ST7: variants seen among roughly 807,000 people sequenced by gnomAD.
ST7 encodes suppression of tumorigenicity 7.
In ST7, 28 loss-of-function variants were observed where a neutral mutation model predicts 78.7. The observed-to-expected ratio is 0.36, with a 90% CI of 0.26 to 0.49. The LOEUF (loss-of-function observed/expected upper bound fraction) is 0.49. Among genes scored for constraint, ST7 ranks in the 20% least tolerant of loss-of-function variants. The probability of loss-of-function intolerance (pLI) is 0.99; values close to 1 mark genes in which losing one functional copy is unlikely to be tolerated. For synonymous variants in ST7, 247 were observed against 249.6 expected, an observed-to-expected ratio of 0.99 and a Z score of 0.10; for missense variants, 418 against 696.0, an observed-to-expected ratio of 0.60 and a Z score of 4.49.
At chr7:116,956,401 G>A (rs898805052) in intron 1 of ST7, 1 of 459,014 alleles carries the variant, frequency 2.2e-6, no homozygotes, top group South Asian at 1.6e-5. Context: ...GTTCTAACGG[G>A]ACTAACTTTG....
chr7:117,166,205 T>G (rs1041385164), intron 9 of ST7, among the ~76,000 whole-genome samples: 4 of 152,172 alleles, frequency 2.6e-5, no homozygotes, highest in Non-Finnish European at 5.9e-5. Flanking sequence ...TGGTATAATT[T>G]TAGTGTATTT....
At chr7:116,974,674 AAC>A (rs1266394707) in intron 1 of ST7, among the ~76,000 whole-genome samples, 1 of 152,248 alleles carries the variant, frequency 6.6e-6, no homozygotes, top group Non-Finnish European at 1.5e-5. Context: ...CGAACAAAGT[AAC>A]ACACTTGTAT....
chr7:117,209,780 A>G lies in ST7; in HGVS notation c.1255-7A>G. The G allele has an allele frequency of 6.2e-7, 1 of 1,611,156 alleles. No individual in the cohort carries two copies. Among genetic ancestry groups the G allele is most frequent in the Non-Finnish European group, 8.5e-7 (1 of 1,179,164 alleles). On this transcript the variant is annotated splice_polypyrimidine_tract_variant and splice_region_variant and intron_variant, in intron 12 of 15. Coordinates refer to ENST00000323984, the MANE Select transcript of ST7 (RefSeq NM_001369598.1). ...TAACACAAGTGTGTCCTGCTTTTTT[A>G]TTTCAGTACCTACTAGAAATGAAAA... is the stretch of plus-strand genomic sequence containing the variant.
chr7:117,049,151 G>A (rs966496985), intron 1 of ST7, among the ~76,000 whole-genome samples: 6 of 152,120 alleles, frequency 3.9e-5, no homozygotes, highest in African/African-American at 1.4e-4. Flanking sequence ...ATAGGTAAGG[G>A]CAGTCTAGGT....
chr7:117,045,472 A>G (rs922599895), intron 1 of ST7, among the ~76,000 whole-genome samples: 6 of 152,102 alleles, frequency 3.9e-5, no homozygotes, highest in African/African-American at 1.4e-4. Context: ...CCATATCTGC[A>G]TGGCTCACTC....
At chr7:117,205,217 C>A (rs1177224388) in intron 12 of ST7, among the ~76,000 whole-genome samples, 1 of 151,748 alleles carries the variant, frequency 6.6e-6, no homozygotes, top group Non-Finnish European at 1.5e-5. Flanking sequence ...CTTTTTTTGT[C>A]AAAATAATTA....
rs1239351300 is a variant in ST7 at position 117,152,187 on chromosome 7, A to T, written c.963+13655A>T. 7.3e-3 allele frequency among the ~76,000 whole-genome samples: 336 copies of T among 46,146 alleles called. 4 individuals carry two copies. Among genetic ancestry groups the T allele is most frequent in the African/African-American group, 0.055 (315 of 5,770 alleles). The allele number at this position is 46,146 out of a possible 152,430, so 30.3% of individuals were successfully genotyped here. A position where few individuals can be genotyped will look rare whatever the true frequency, so the allele number is the denominator to read the frequency against. On this transcript the variant is annotated intron_variant, in intron 9 of 15. Coordinates refer to ENST00000323984, the MANE Select transcript of ST7 (RefSeq NM_001369598.1). ...TTATATATATAAAAACTATATATAT[A>T]TATATATATATATATATATATATAT...
At chr7:117,155,840 T>C (rs1806648153) in intron 9 of ST7, among the ~76,000 whole-genome samples, 1 of 152,222 alleles carries the variant, frequency 6.6e-6, no homozygotes, top group Non-Finnish European at 1.5e-5. Flanking sequence ...GCCCAGCTGC[T>C]GTGTTCACTA....
chr7:117,188,002 G>C (rs909777229), intron 10 of ST7, among the ~76,000 whole-genome samples: 3 of 152,130 alleles, frequency 2.0e-5, no homozygotes, highest in Non-Finnish European at 2.9e-5. Flanking sequence ...TATGTATGTG[G>C]TGGTGACATT....
chr7:117,070,822 C>T (rs976226523), intron 1 of ST7, among the ~76,000 whole-genome samples: 1 of 151,988 alleles, frequency 6.6e-6, no homozygotes, highest in African/African-American at 2.4e-5. Context: ...GGATTATAGG[C>T]GTGAGCCACC....
At chr7:117,100,854 C>CT (rs992485196) in intron 2 of ST7, among the ~76,000 whole-genome samples, 11 of 152,006 alleles carry the variant, frequency 7.2e-5, no homozygotes, top group Admixed American at 2.6e-4. Flanking sequence ...TTTAGAAAAG[C>CT]TTTTTTTCTC....
chr7:117,031,894 T>TGGCAATGGAG (rs1411429328), intron 1 of ST7, among the ~76,000 whole-genome samples: 5 of 148,090 alleles, frequency 3.4e-5, no homozygotes, highest in African/African-American at 4.9e-5. Flanking sequence ...TTTTTTTTTT[T>TGGCAATGGAG]TTTTGGCAAT....
At chr7:117,163,925 T>A (rs1416175986) in intron 9 of ST7, among the ~76,000 whole-genome samples, 1 of 152,168 alleles carries the variant, frequency 6.6e-6, no homozygotes, top group African/African-American at 2.4e-5. Flanking sequence ...GTCTTGGACC[T>A]TACATTGAGG....
chr7:117,156,070 C>T lies in ST7; in HGVS notation c.964-14792C>T, dbSNP rs553053939. Among the ~76,000 whole-genome samples, 145 of 152,316 alleles carry T rather than the reference C, an allele frequency of 9.5e-4. 1 individual carries two copies. Among genetic ancestry groups the T allele is most frequent in the South Asian group, 2.1e-3 (10 of 4,828 alleles). On this transcript the variant is annotated intron_variant, in intron 9 of 15. Transcript: ENST00000323984. ...TCTGCCTGTGCTGTACCAACATTCA[C>T]GAACCCATTTCCCTGCTTTACTTAT...
At chr7:117,102,172 A>G (rs1343557372) in intron 2 of ST7, among the ~76,000 whole-genome samples, 1 of 152,182 alleles carries the variant, frequency 6.6e-6, no homozygotes, top group Non-Finnish European at 1.5e-5. Flanking sequence ...TTCTGAAATG[A>G]TGGTGATAGT....
intron 1 of ST7, among the ~76,000 whole-genome samples, chr7:116,994,402 C>A (rs1241609087): frequency 6.6e-6 from 1 of 152,206 alleles, no homozygotes. Context: ...TCAAAGACAT[C>A]TTTCCAAAAG....
intron 1 of ST7, among the ~76,000 whole-genome samples, chr7:117,036,180 T>A (rs185070314): frequency 8.5e-5 from 13 of 152,356 alleles, no homozygotes; most frequent in African/African-American, 3.1e-4. Flanking sequence ...AGTTTTGACT[T>A]TCCTGTGTTT....
chr7:117,227,418 G>C (rs755681392), intron 15 of ST7, among the ~76,000 whole-genome samples: 1 of 152,156 alleles, frequency 6.6e-6, no homozygotes, highest in African/African-American at 2.4e-5. Flanking sequence ...TCCACCACCT[G>C]TCAGAATCTC....
At chr7:116,992,727 G>T (rs1794485005) in intron 1 of ST7, among the ~76,000 whole-genome samples, 1 of 152,168 alleles carries the variant, frequency 6.6e-6, no homozygotes, top group African/African-American at 2.4e-5. Context: ...CAGAAAATGG[G>T]ATTTTCTATT....
Sources: gnomAD v4.1 joint callset for allele counts (sites outside exome capture counted in the v4.1 genomes callset) on GRCh38, gnomAD v4.1.1 for gene constraint, MANE v1.5 for transcripts, NCBI Gene and HGNC (gene_info 2026-07-23, HGNC 2026-07-21) for gene names.